The following HMGCLL1 variants were observed in gnomAD, a reference collection of about 807,000 sequenced individuals.
HMGCLL1 encodes 3-hydroxymethyl-3-methylglutaryl-CoA lyase, cytoplasmic.
A neutral mutation model predicts 39.1 loss-of-function variants in HMGCLL1; 36 were observed. The ratio of observed to expected loss-of-function variants is 0.92; its 90% CI spans 0.71 to 1.22. HMGCLL1 has a LOEUF of 1.22. Ranked by LOEUF, HMGCLL1 falls within the 50% of genes most tolerant of loss-of-function variation. The pLI, the probability that HMGCLL1 is intolerant of heterozygous loss-of-function variation, is 0.00. For missense variants in HMGCLL1, 451 were observed against 416.5 expected (o/e 1.08, Z -0.72); for synonymous variants, 149 against 144.0 (o/e 1.03, Z -0.25).
intron 1 of HMGCLL1, among the ~76,000 whole-genome samples, chr6:55,567,623 G>T (rs1178402112): frequency 6.6e-6 from 1 of 152,108 alleles, no homozygotes; most frequent in East Asian, 1.9e-4. Flanking sequence ...AGAAAAAATT[G>T]CAGGGAAAAG....
chr6:55,616,838 G>A, the HMGCLL1 span, among the ~76,000 whole-genome samples: 1 of 151,902 alleles, frequency 6.6e-6, no homozygotes, highest in Admixed American at 6.6e-5. Context: ...CTTTAGAGAG[G>A]TGAGAGAGAT....
intron 7 of HMGCLL1, among the ~76,000 whole-genome samples, chr6:55,441,062 C>G (rs2127381293): frequency 6.7e-6 from 1 of 148,506 alleles, no homozygotes; most frequent in African/African-American, 2.4e-5. Flanking sequence ...GCAGTAGGTA[C>G]AGGGACCACA....
chr6:55,479,731 A>G (rs1300570337), intron 7 of HMGCLL1, among the ~76,000 whole-genome samples: 1 of 151,768 alleles, frequency 6.6e-6, no homozygotes, highest in African/African-American at 2.4e-5. Flanking sequence ...GAAGATTTAA[A>G]GGATAAGCAG....
rs1298012789 is a variant in HMGCLL1 at position 55,435,234 on chromosome 6, A to T, written c.*428T>A. On this transcript the variant is annotated 3_prime_UTR_variant, in exon 9 of 9. Coordinates refer to ENST00000274901, the MANE Select transcript of HMGCLL1 (RefSeq NM_001042406.2). The stretch of plus-strand genomic sequence containing the variant: ...ATGAGTAGTTGAGATCCAGAGGCAT[A>T]ATGTATAATATTGAGGCCACACACT... The T allele has an allele frequency of 1.3e-5, 2 of 153,196 alleles. No homozygotes were observed. Among genetic ancestry groups the T allele is most frequent in the African/African-American group, 4.8e-5 (2 of 41,466 alleles). 9.5% of individuals were successfully genotyped at this position (153,196 alleles called of 1,614,324 possible).
the HMGCLL1 span, among the ~76,000 whole-genome samples, chr6:55,655,091 T>C: frequency 6.6e-6 from 1 of 151,854 alleles, no homozygotes; most frequent in Admixed American, 6.6e-5. Context: ...ATAAATTGAG[T>C]CCTCAGTTCT....
At chr6:55,620,326 T>C in the HMGCLL1 span, among the ~76,000 whole-genome samples, 1 of 152,160 alleles carries the variant, frequency 6.6e-6, no homozygotes, top group Non-Finnish European at 1.5e-5. Context: ...GTACCAGGGT[T>C]CCCTTTTCTC....
chr6:55,664,029 T>C, the HMGCLL1 span, among the ~76,000 whole-genome samples: 1 of 151,778 alleles, frequency 6.6e-6, no homozygotes, highest in Non-Finnish European at 1.5e-5. Flanking sequence ...CTTGGTAGAT[T>C]ATTCTTTATT....
intron 3 of HMGCLL1, among the ~76,000 whole-genome samples, 187 bp from the exon 4 acceptor site, chr6:55,516,790 G>T (rs1767764970): frequency 6.6e-6 from 1 of 152,044 alleles, no homozygotes; most frequent in African/African-American, 2.4e-5. Context: ...AATAAGTAGA[G>T]ATAAGTTTAA....
the HMGCLL1 span, among the ~76,000 whole-genome samples, chr6:55,609,932 A>G: frequency 1.3e-5 from 2 of 152,170 alleles, no homozygotes; most frequent in African/African-American, 4.8e-5. Flanking sequence ...AGCAAACCCT[A>G]CAGAAGAGAG....
chr6:55,639,599 T>C, the HMGCLL1 span, among the ~76,000 whole-genome samples: 6 of 152,090 alleles, frequency 3.9e-5, no homozygotes, highest in South Asian at 1.2e-3. Context: ...AGAACTTAAG[T>C]TGCTGCTCTC....
At chr6:55,525,015 A>ATTGAGT (rs1768242748) in intron 3 of HMGCLL1, among the ~76,000 whole-genome samples, 1 of 151,166 alleles carries the variant, frequency 6.6e-6, no homozygotes, top group African/African-American at 2.4e-5. Context: ...AGAAGTACAA[A>ATTGAGT]AAATGATCAA....
chr6:55,675,480 G>A, the HMGCLL1 span, among the ~76,000 whole-genome samples: 2 of 152,070 alleles, frequency 1.3e-5, no homozygotes, highest in Non-Finnish European at 2.9e-5. Context: ...TCAGGTGTCA[G>A]TGGCCATATT....
intron 1 of HMGCLL1, among the ~76,000 whole-genome samples, chr6:55,557,675 G>C (rs1156650583): frequency 6.6e-6 from 1 of 152,066 alleles, no homozygotes; most frequent in East Asian, 1.9e-4. Context: ...GGCTGGTGAG[G>C]GGTGGTCTGG....
At chr6:55,578,175 G>A (rs896831491) in intron 1 of HMGCLL1, among the ~76,000 whole-genome samples, 2 of 152,080 alleles carry the variant, frequency 1.3e-5, no homozygotes, top group African/African-American at 4.8e-5. Context: ...TCCTCACAGT[G>A]CTCCTCCTTT....
intron 8 of HMGCLL1, among the ~76,000 whole-genome samples, chr6:55,436,664 G>A (rs1779602344): frequency 6.6e-6 from 1 of 151,914 alleles, no homozygotes. Context: ...CTATTATAAA[G>A]TACTTTTTAA....
At chr6:55,670,386 A>C in the HMGCLL1 span, among the ~76,000 whole-genome samples, 1 of 151,894 alleles carries the variant, frequency 6.6e-6, no homozygotes, top group African/African-American at 2.4e-5. Flanking sequence ...CAGAAATTAT[A>C]CCAGAAGAAA....
At chr6:55,600,182 A>G in the HMGCLL1 span, among the ~76,000 whole-genome samples, 12 of 152,250 alleles carry the variant, frequency 7.9e-5, no homozygotes, top group African/African-American at 2.9e-4. Flanking sequence ...TCTGAAAAAA[A>G]GGCCTCCAAA....
intron 1 of HMGCLL1, among the ~76,000 whole-genome samples, chr6:55,559,453 T>C (rs557304945): frequency 1.3e-5 from 2 of 152,210 alleles, no homozygotes; most frequent in South Asian, 4.1e-4. Flanking sequence ...TTCTGGACAA[T>C]GGAGTGAAGC....
chr6:55,497,052 T>A (rs77347812), intron 6 of HMGCLL1, among the ~76,000 whole-genome samples: 3,702 of 152,240 alleles, frequency 0.024, 76 homozygotes, highest in Non-Finnish European at 0.036. Flanking sequence ...TAAATATATA[T>A]ACTTTGAGGT....
Sources: gnomAD v4.1 joint callset for allele counts (sites outside exome capture counted in the v4.1 genomes callset) on GRCh38, gnomAD v4.1.1 for gene constraint, MANE v1.5 for transcripts, NCBI Gene and HGNC (gene_info 2026-07-23, HGNC 2026-07-21) for gene names.